The following ERG28 variants were observed in gnomAD, a reference collection of about 807,000 sequenced individuals.
ERG28 encodes ergosterol biosynthesis 28 homolog.
A neutral mutation model predicts 15.7 loss-of-function variants in ERG28; 9 were observed. The observed-to-expected ratio is 0.57, with a 90% CI of 0.35 to 1.00. The LOEUF (loss-of-function observed/expected upper bound fraction) is 1.00. Ranked by LOEUF, ERG28 falls within the 50% of genes least tolerant of loss-of-function variation. The pLI, the probability that ERG28 is intolerant of heterozygous loss-of-function variation, is 0.02. For synonymous variants in ERG28, 61 were observed against 68.4 expected, an observed-to-expected ratio of 0.89 and a Z score of 0.53; for missense variants, 117 against 173.3, an observed-to-expected ratio of 0.68 and a Z score of 1.82.
intron 3 of ERG28, among the ~76,000 whole-genome samples, chr14:75,654,250 C>T (rs572849654): frequency 2.6e-5 from 4 of 152,218 alleles, no homozygotes; most frequent in Admixed American, 6.5e-5. Context: ...TAGCCTCCCT[C>T]GGTGACCTGA....
At position 75,650,703 on chromosome 14, in the gene ERG28, A is replaced by G. The variant is rs913011982; in HGVS notation, c.*852T>C. On this transcript the variant is annotated 3_prime_UTR_variant, in exon 5 of 5. Transcript: ENST00000256319. The stretch of plus-strand genomic sequence containing the variant: ...ACTCTTGAAGGTGAGAAAAAAGAAG[A>G]TTTGACTTCAAGAATACAAGAGGAA... The G allele has an allele frequency of 1.4e-5, 2 of 147,888 alleles. No homozygotes were observed. The highest frequency in any genetic ancestry group is 3.9e-4 in the East Asian group (2 of 5,122). 9.2% of individuals were successfully genotyped at this position (147,888 alleles called of 1,614,324 possible).
chr14:75,657,619 C>CA (rs147269846), intron 1 of ERG28, 86 bp from the exon 2 acceptor site: 8 of 1,275,404 alleles, frequency 6.3e-6, no homozygotes, highest in African/African-American at 3.0e-5. Context: ...TGAAGCAGGC[C>CA]AAAAAAAGAA....
At chr14:75,655,309 G>C (rs367565603) in intron 2 of ERG28, among the ~76,000 whole-genome samples, 2 of 152,206 alleles carry the variant, frequency 1.3e-5, no homozygotes, top group African/African-American at 4.8e-5. Context: ...GATCAGGACA[G>C]GTTTTGGGGA....
At chr14:75,658,315 C>T (rs1361160984) in intron 1 of ERG28, among the ~76,000 whole-genome samples, 1 of 152,116 alleles carries the variant, frequency 6.6e-6, no homozygotes, top group Admixed American at 6.5e-5. Context: ...TTACACACTC[C>T]TACATTTAAA....
intron 1 of ERG28, among the ~76,000 whole-genome samples, chr14:75,659,970 T>G (rs758829938): frequency 6.7e-6 from 1 of 148,632 alleles, no homozygotes; most frequent in Admixed American, 6.8e-5. Flanking sequence ...ACAAAGGTGG[T>G]CTCTGTCGAA....
intron 3 of ERG28, among the ~76,000 whole-genome samples, chr14:75,654,375 G>C (rs1027551818): frequency 6.6e-6 from 1 of 152,140 alleles, no homozygotes; most frequent in Non-Finnish European, 1.5e-5. Context: ...GTTCCACCCT[G>C]GTCTGTTTGA....
intron 3 of ERG28, among the ~76,000 whole-genome samples, 196 bp from the exon 4 acceptor site, chr14:75,652,085 CT>C (rs1481921189): frequency 6.6e-6 from 1 of 152,242 alleles, no homozygotes; most frequent in African/African-American, 2.4e-5. Flanking sequence ...AAGGTTTCAA[CT>C]GCTAAACTGA....
At position 75,651,821 on chromosome 14, in the gene ERG28, T is replaced by C. The variant is rs763711697; in HGVS notation, c.293A>G (p.Tyr98Cys). The change falls in exon 4 of 5, where the codon TAT becomes TGT. Residue 98 changes from tyrosine to cysteine, a missense_variant. Physicochemically the swap from Tyr to Cys is radical, Grantham distance 194. Coordinates refer to ENST00000256319, the MANE Select transcript of ERG28 (RefSeq NM_007176.4). The part of the protein sequence containing the change: ...LGHFLSELFV[Y>C]GTAAPTIGVL... ...GCCAATCGTGGGAGCTGCAGTTCCA[T>C]AGACAAACAACTCAGAGAGGAAATG... 25 of 1,614,008 alleles carry C rather than the reference T, an allele frequency of 1.5e-5. No individual in the cohort carries two copies. Among genetic ancestry groups the C allele is most frequent in the African/African-American group, 4.0e-5 (3 of 74,894 alleles).
intron 3 of ERG28, among the ~76,000 whole-genome samples, chr14:75,652,223 G>A (rs1018569001): frequency 1.3e-5 from 2 of 152,292 alleles, no homozygotes; most frequent in Non-Finnish European, 1.5e-5. Context: ...GATCCAGCAC[G>A]CTTACATATT....
Position 75,657,471 on chromosome 14 carries a change from C to T in ERG28, c.32G>A (p.Trp11Ter). Residue 11 changes from tryptophan (W) to a stop codon, truncating the protein, a stop_gained, in exon 2 of 5, where the codon TGG (tryptophan) becomes TAG (stop). Coordinates refer to ENST00000256319, the MANE Select transcript of ERG28 (RefSeq NM_007176.4). LOFTEE classifies it high-confidence loss of function. ...GGCTATGATGGACACCATAACCAGCCAACTTCTTAACACATTCAGGAAACG... is the reference window on the plus strand; with the variant it reads ...GGCTATGATGGACACCATAACCAGCTAACTTCTTAACACATTCAGGAAACG... MSRFLNVLRS[W>*]LVMVSIIAMG... 1 of 1,614,052 alleles carries T rather than the reference C, an allele frequency of 6.2e-7. No individual in the cohort carries two copies. The highest frequency in any genetic ancestry group is 8.5e-7 in the Non-Finnish European group (1 of 1,179,978).
At chr14:75,657,264 T>C (rs1890611092) in intron 2 of ERG28, 106 bp downstream of exon 2, 3 of 1,379,652 alleles carry the variant, frequency 2.2e-6, no homozygotes, top group African/African-American at 2.9e-5. Context: ...CCTGTGTTTG[T>C]TGACGTTTCC....
chr14:75,660,713 A>C (rs1311790622), intron 1 of ERG28, 62 bp downstream of exon 1: 1 of 151,780 alleles, frequency 6.6e-6, no homozygotes, highest in African/African-American at 2.4e-5. Flanking sequence ...GACTCTCCGG[A>C]TCCTCTCAAT....
Position 75,657,368 on chromosome 14 carries a change from A to G in ERG28, c.133+2T>C. ...GGATGCAGAAATTCTTTGATTTCTT[A>G]CCAAGGTTTGGCTTGCCAGTGTAGA... On this transcript the variant is annotated splice_donor_variant, in intron 2 of 4. Transcript: ENST00000256319. LOFTEE classifies it high-confidence loss of function. The G allele has an allele frequency of 6.2e-7, 1 of 1,613,968 alleles. No individual in the cohort carries two copies. Among genetic ancestry groups the G allele is most frequent in the African/African-American group, 1.3e-5 (1 of 75,042 alleles).
rs569243193 is a variant in ERG28, at chr14:75,660,592, C to T, written c.-32+183G>A. On this transcript the variant is annotated intron_variant, in intron 1 of 4. Coordinates refer to ENST00000256319, the MANE Select transcript of ERG28 (RefSeq NM_007176.4). ...TCCATTCCTTCGTTCCTTGAATTCA[C>T]CAAGCCTTCTCCATCTTCCTAGCTC... Among the ~76,000 whole-genome samples, 4 of 152,308 alleles carry T rather than the reference C, an allele frequency of 2.6e-5. No individual in the cohort carries two copies. The South Asian group carries it at 6.2e-4, about 24-fold the overall frequency.
At chr14:75,657,846 C>T (rs1890617554) in intron 1 of ERG28, among the ~76,000 whole-genome samples, 1 of 152,186 alleles carries the variant, frequency 6.6e-6, no homozygotes, top group Admixed American at 6.5e-5. Flanking sequence ...ACTATACTCA[C>T]AGACACCTGC....
intron 2 of ERG28, among the ~76,000 whole-genome samples, chr14:75,657,080 T>C (rs1890609064): frequency 6.6e-6 from 1 of 151,322 alleles, no homozygotes; most frequent in African/African-American, 2.4e-5. Context: ...CAATGAAAAG[T>C]ATTCAGAGAA....
Position 75,650,193 on chromosome 14 carries a change from G to A in ERG28, c.*1362C>T, listed in dbSNP as rs1344060876. On this transcript the variant is annotated 3_prime_UTR_variant, in exon 5 of 5. Transcript: ENST00000256319. ...ATCTCCTCAGGGAGGACTTTCTGATGATCTAATTTAAGTTACGTTCCCCAC... is the reference window on the plus strand; with the variant it reads ...ATCTCCTCAGGGAGGACTTTCTGATAATCTAATTTAAGTTACGTTCCCCAC... The A allele has an allele frequency of 6.6e-6, 1 of 152,166 alleles. No homozygotes were observed. Among genetic ancestry groups the A allele is most frequent in the African/African-American group, 2.4e-5 (1 of 41,426 alleles). 9.4% of individuals were successfully genotyped at this position (152,166 alleles called of 1,614,324 possible).
At chr14:75,660,495 G>A (rs1048358889) in intron 1 of ERG28, among the ~76,000 whole-genome samples, 1 of 152,154 alleles carries the variant, frequency 6.6e-6, no homozygotes, top group African/African-American at 2.4e-5. Context: ...AAGGGCTATT[G>A]TAAGAATTAT....
intron 3 of ERG28, among the ~76,000 whole-genome samples, chr14:75,652,538 T>G (rs1890540712): frequency 1.3e-5 from 2 of 152,224 alleles, no homozygotes; most frequent in Non-Finnish European, 2.9e-5. Flanking sequence ...CTTTGTTTGC[T>G]GATATCTTTT....
Sources: allele counts gnomAD v4.1 joint callset (sites outside exome capture counted in the v4.1 genomes callset), GRCh38; gene constraint gnomAD v4.1.1; transcripts MANE v1.5; gene names NCBI Gene and HGNC (gene_info 2026-07-23, HGNC 2026-07-21).